The following LSAMP variants were observed in gnomAD, a reference collection of about 807,000 sequenced individuals.
The protein encoded by LSAMP is limbic system associated membrane protein, also known as limbic system-associated membrane protein.
A neutral mutation model predicts 38.6 loss-of-function variants in LSAMP; 7 were observed. The ratio of observed to expected loss-of-function variants is 0.18; its 90% CI spans 0.10 to 0.34. The LOEUF is 0.34. Among genes scored for constraint, LSAMP ranks in the 10% least tolerant of loss-of-function variants. The pLI, the probability that LSAMP is intolerant of heterozygous loss-of-function variation, is 1.00. For missense variants in LSAMP, 313 were observed against 420.0 expected (o/e 0.75, Z 2.23); for synonymous variants, 154 against 166.8 (o/e 0.92, Z 0.59).
intron 1 of LSAMP, among the ~76,000 whole-genome samples, chr3:116,372,915 T>C (rs577012543): frequency 6.7e-6 from 1 of 150,306 alleles, no homozygotes; most frequent in East Asian, 2.0e-4. Context: ...AGCAAATAAA[T>C]TAAAACAATT....
chr3:115,870,400 A>T (rs574332810), intron 3 of LSAMP, among the ~76,000 whole-genome samples: 9 of 152,298 alleles, frequency 5.9e-5, no homozygotes, highest in Admixed American at 2.0e-4. Flanking sequence ...CCTAGGCTCC[A>T]ATAAATTATT....
intron 1 of LSAMP, among the ~76,000 whole-genome samples, chr3:116,403,332 C>G (rs545653506): frequency 6.6e-6 from 1 of 152,222 alleles, no homozygotes; most frequent in South Asian, 2.1e-4. Context: ...CAATAATAAA[C>G]AAGGTATTTC....
intron 1 of LSAMP, among the ~76,000 whole-genome samples, chr3:116,367,630 G>T (rs180852711): frequency 8.5e-4 from 129 of 151,092 alleles, no homozygotes; most frequent in Admixed American, 1.7e-3. Flanking sequence ...TCAGGCTCCC[G>T]AGTAGCTGGG....
chr3:115,820,909 C>T (rs1293517859), intron 6 of LSAMP, among the ~76,000 whole-genome samples: 2 of 152,154 alleles, frequency 1.3e-5, no homozygotes, highest in Non-Finnish European at 2.9e-5. Context: ...CCAATGGGGC[C>T]AGGAGGTCCT....
intron 1 of LSAMP, among the ~76,000 whole-genome samples, chr3:116,188,943 T>C (rs1710689537): frequency 6.6e-6 from 1 of 152,222 alleles, no homozygotes; most frequent in Non-Finnish European, 1.5e-5. Flanking sequence ...CTCATCAGTA[T>C]TGATCAGTCA....
At chr3:115,898,778 C>T (rs1203656322) in intron 3 of LSAMP, among the ~76,000 whole-genome samples, 2 of 152,070 alleles carry the variant, frequency 1.3e-5, no homozygotes, top group African/African-American at 4.8e-5. Context: ...GAGCATGGTG[C>T]TTCCTTGTTT....
At chr3:116,332,247 A>C (rs2047861776) in intron 1 of LSAMP, among the ~76,000 whole-genome samples, 2 of 152,170 alleles carry the variant, frequency 1.3e-5, no homozygotes, top group Non-Finnish European at 2.9e-5. Context: ...TGTACATTTT[A>C]TTTACACATA....
At chr3:116,281,092 A>C (rs34840522) in intron 1 of LSAMP, among the ~76,000 whole-genome samples, 34,327 of 152,058 alleles carry the variant, frequency 0.23, 6,216 homozygotes, top group African/African-American at 0.5. Context: ...AACTTGGAAA[A>C]AATACAGGCA....
chr3:115,877,139 G>C (rs1321099852), intron 3 of LSAMP, among the ~76,000 whole-genome samples: 1 of 152,130 alleles, frequency 6.6e-6, no homozygotes, highest in Admixed American at 6.6e-5. Flanking sequence ...GTGCCACTTG[G>C]CTTGAGCTTC....
chr3:116,442,520 G>A (rs984537614), intron 1 of LSAMP, among the ~76,000 whole-genome samples: 3 of 152,000 alleles, frequency 2.0e-5, no homozygotes, highest in Non-Finnish European at 4.4e-5. Context: ...TCTTCACCAG[G>A]AAACTGACCC....
At chr3:115,897,397 A>T (rs1231535254) in intron 3 of LSAMP, among the ~76,000 whole-genome samples, 1 of 152,068 alleles carries the variant, frequency 6.6e-6, no homozygotes, top group Non-Finnish European at 1.5e-5. Context: ...GTAGGCCCTC[A>T]GTTATTTAGT....
At chr3:115,821,396 T>G (rs1934233070) in intron 6 of LSAMP, among the ~76,000 whole-genome samples, 1 of 152,242 alleles carries the variant, frequency 6.6e-6, no homozygotes. Context: ...AACTTTTCTC[T>G]AATCCTCTAC....
chr3:116,424,810 T>A (rs968238620), intron 1 of LSAMP, among the ~76,000 whole-genome samples: 15 of 152,140 alleles, frequency 9.9e-5, no homozygotes, highest in African/African-American at 3.4e-4. Flanking sequence ...ATACTCTACA[T>A]ATAAGGAAAA....
At chr3:116,138,678 T>C (rs1709304722) in intron 1 of LSAMP, among the ~76,000 whole-genome samples, 1 of 152,046 alleles carries the variant, frequency 6.6e-6, no homozygotes, top group African/African-American at 2.4e-5. Context: ...AAAGTGAAGA[T>C]AAAACACTTT....
chr3:115,963,261 A>G (rs1938689206), intron 3 of LSAMP, among the ~76,000 whole-genome samples: 1 of 152,188 alleles, frequency 6.6e-6, no homozygotes, highest in Non-Finnish European at 1.5e-5. Context: ...TTGCTTCAAA[A>G]CTGCCATTGT....
intron 1 of LSAMP, among the ~76,000 whole-genome samples, chr3:116,131,271 G>T (rs543199179): frequency 6.6e-6 from 1 of 151,920 alleles, no homozygotes; most frequent in Non-Finnish European, 1.5e-5. Flanking sequence ...GATTACAGAC[G>T]TGAGCCACCT....
At chr3:115,828,608 C>T (rs1406601115) in intron 6 of LSAMP, among the ~76,000 whole-genome samples, 1 of 152,226 alleles carries the variant, frequency 6.6e-6, no homozygotes, top group East Asian at 1.9e-4. Flanking sequence ...GGTCTTCTCA[C>T]CCTTTGGGGC....
intron 1 of LSAMP, among the ~76,000 whole-genome samples, chr3:116,126,549 T>A (rs1709012218): frequency 6.6e-6 from 1 of 152,188 alleles, no homozygotes; most frequent in African/African-American, 2.4e-5. Flanking sequence ...AATTTTGATT[T>A]ATCCCTTAAG....
At chr3:116,383,338 T>C (rs1190193679) in intron 1 of LSAMP, among the ~76,000 whole-genome samples, 1 of 151,938 alleles carries the variant, frequency 6.6e-6, no homozygotes, top group Non-Finnish European at 1.5e-5. Flanking sequence ...ATATGCCCCA[T>C]AGCTCAAAAG....
Sources: gnomAD v4.1 joint callset for allele counts (sites outside exome capture counted in the v4.1 genomes callset) on GRCh38, gnomAD v4.1.1 for gene constraint, MANE v1.5 for transcripts, NCBI Gene and HGNC (gene_info 2026-07-23, HGNC 2026-07-21) for gene names.